The following SNX16 variants were observed in gnomAD, a reference collection of about 807,000 sequenced individuals.
The protein encoded by SNX16 is sorting nexin-16.
SNX16 carries 35 observed loss-of-function variants against 36.7 expected under a neutral mutation model. That is an observed-to-expected ratio of 0.95 (90% confidence interval 0.73 to 1.27). SNX16 has a LOEUF of 1.27. Ranked by LOEUF, SNX16 falls within the 50% of genes most tolerant of loss-of-function variation. The pLI is 0.00. For synonymous variants in SNX16, 134 were observed against 132.0 expected, an observed-to-expected ratio of 1.02 and a Z score of -0.10; for missense variants, 367 against 393.6, an observed-to-expected ratio of 0.93 and a Z score of 0.57.
At chr8:81,803,436 C>T (rs1809797075) in intron 5 of SNX16, among the ~76,000 whole-genome samples, 1 of 151,960 alleles carries the variant, frequency 6.6e-6, no homozygotes, top group Non-Finnish European at 1.5e-5. Context: ...ACCAGGGGGA[C>T]ATAACTACAA....
At chr8:81,830,106 T>C (rs920262110) in intron 2 of SNX16, among the ~76,000 whole-genome samples, 1 of 152,082 alleles carries the variant, frequency 6.6e-6, no homozygotes. Flanking sequence ...GGATATAAAA[T>C]CAATGTTTAA....
intron 4 of SNX16, among the ~76,000 whole-genome samples, chr8:81,819,825 T>C (rs1810653882): frequency 6.6e-6 from 1 of 152,096 alleles, no homozygotes. Context: ...TTCAAATCAA[T>C]AGTCCTTAAC....
At chr8:81,827,713 C>T (rs1179381830) in intron 3 of SNX16, among the ~76,000 whole-genome samples, 1 of 152,062 alleles carries the variant, frequency 6.6e-6, no homozygotes, top group African/African-American at 2.4e-5. Context: ...AAAAATTTGG[C>T]AGCTAAATAA....
At chr8:81,834,573 C>T (rs1425998723) in intron 2 of SNX16, among the ~76,000 whole-genome samples, 4 of 152,204 alleles carry the variant, frequency 2.6e-5, no homozygotes, top group Non-Finnish European at 4.4e-5. Context: ...AATGAGGGTA[C>T]AGGCATTGGG....
rs775501735 is a variant in SNX16, at chr8:81,839,742, G to T, written c.245C>A (p.Ser82Tyr). Residue 82 changes from serine (S) to tyrosine (Y), a missense_variant, in exon 2 of 8, where the codon TCT becomes TAT. Coordinates refer to ENST00000345957, the MANE Select transcript of SNX16 (RefSeq NM_152836.3). The part of the protein sequence containing the change: ...LIRTKFTGTA[S>Y]SIEYSTRPRD... ...TGGTCTAGTAGAATACTCAATGGAA[G>T]AAGCTGTACCTGTAAATTTAGTCCT... 27 of 1,613,982 alleles carry T rather than the reference G, an allele frequency of 1.7e-5. No individual in the cohort carries two copies. The highest frequency in any genetic ancestry group is 2.0e-5 in the Non-Finnish European group (24 of 1,179,914).
At chr8:81,831,213 T>G (rs553621851) in intron 2 of SNX16, among the ~76,000 whole-genome samples, 18 of 152,302 alleles carry the variant, frequency 1.2e-4, no homozygotes, top group African/African-American at 4.3e-4. Flanking sequence ...TGGGAAAGAA[T>G]TTATGACTAA....
intron 1 of SNX16, chr8:81,841,883 A>C (rs4431552): frequency 0.24 from 37,111 of 151,862 alleles, 5,093 homozygotes; most frequent in East Asian, 0.37. Context: ...GCAGGCGGCG[A>C]GACCCGCAGC....
chr8:81,827,620 T>C (rs1811075099), intron 3 of SNX16, among the ~76,000 whole-genome samples: 1 of 152,210 alleles, frequency 6.6e-6, no homozygotes, highest in Admixed American at 6.5e-5. Flanking sequence ...AGAAAGCATC[T>C]TAACCAAATC....
intron 5 of SNX16, among the ~76,000 whole-genome samples, chr8:81,813,351 C>G (rs1810346474): frequency 6.6e-6 from 1 of 151,256 alleles, no homozygotes; most frequent in Admixed American, 6.6e-5. Context: ...ACAGAAGTGT[C>G]AACATAATTA....
intron 4 of SNX16, among the ~76,000 whole-genome samples, chr8:81,819,093 A>G (rs1226648793): frequency 3.9e-5 from 6 of 152,142 alleles, no homozygotes; most frequent in Non-Finnish European, 8.8e-5. Context: ...AGAATTAAAA[A>G]TACTGAATTT....
intron 3 of SNX16, among the ~76,000 whole-genome samples, chr8:81,828,809 G>A (rs1004577616): frequency 6.6e-6 from 1 of 152,094 alleles, no homozygotes; most frequent in African/African-American, 2.4e-5. Context: ...GAAGATGGAG[G>A]GGCTATGTAC....
chr8:81,824,919 CACTT>C (rs766977757), intron 3 of SNX16, among the ~76,000 whole-genome samples: 1 of 152,168 alleles, frequency 6.6e-6, no homozygotes, highest in Non-Finnish European at 1.5e-5. Flanking sequence ...GAAGTTCACT[CACTT>C]ACATCTATAG....
chr8:81,808,053 T>C, intron 5 of SNX16: 1 of 976,004 alleles, frequency 1.0e-6, no homozygotes, highest in Non-Finnish European at 1.6e-6. Flanking sequence ...CAAGGGAAGA[T>C]TCTCAAAGAC....
chr8:81,834,641 A>T (rs186425995), intron 2 of SNX16, among the ~76,000 whole-genome samples: 22 of 152,356 alleles, frequency 1.4e-4, no homozygotes, highest in Admixed American at 1.4e-3. Context: ...TACAGGCCCA[A>T]TGCAAGTCTG....
At chr8:81,841,563 T>G (rs1811776476) in intron 1 of SNX16, 1 of 149,702 alleles carries the variant, frequency 6.7e-6, no homozygotes, top group Middle Eastern at 3.2e-3. Context: ...TGGGGGGAGG[T>G]CGCATATCAA....
chr8:81,812,006 T>C (rs1002863323), intron 5 of SNX16, among the ~76,000 whole-genome samples: 4 of 152,138 alleles, frequency 2.6e-5, no homozygotes, highest in African/African-American at 9.6e-5. Context: ...ATTGAGAATT[T>C]TGGAGTTGAA....
rs200142460 is a variant in SNX16 at position 81,803,194 on chromosome 8, C to A, written c.716G>T (p.Arg239Leu). 1.2e-6 allele frequency: 2 copies of A among 1,610,330 alleles called. No individual in the cohort carries two copies. Among genetic ancestry groups the A allele is most frequent in the Non-Finnish European group, 8.5e-7 (1 of 1,178,390 alleles). Residue 239 changes from arginine (R) to leucine (L), a missense_variant, in exon 6 of 8, where the codon CGC becomes CTC. Coordinates refer to ENST00000345957, the MANE Select transcript of SNX16 (RefSeq NM_152836.3). ...FCETLEETNY[R>L]LQKELLEKQK... ...TTTTTCAAGTAGTTCTTTCTGTAAGCGGTAGTTTGTCTCTTCTAAAGTTTC... is the reference window on the plus strand; with the variant it reads ...TTTTTCAAGTAGTTCTTTCTGTAAGAGGTAGTTTGTCTCTTCTAAAGTTTC...
At chr8:81,807,113 G>C (rs1225479419) in intron 5 of SNX16, among the ~76,000 whole-genome samples, 1 of 152,110 alleles carries the variant, frequency 6.6e-6, no homozygotes, top group Admixed American at 6.5e-5. Flanking sequence ...ATATGGAAAA[G>C]TGAATAGCCA....
intron 2 of SNX16, among the ~76,000 whole-genome samples, chr8:81,831,210 G>T (rs748267610): frequency 2.6e-5 from 4 of 152,130 alleles, no homozygotes; most frequent in Admixed American, 6.5e-5. Context: ...CCTTGGGAAA[G>T]AATTTATGAC....
Sources: gnomAD v4.1 joint callset for allele counts (sites outside exome capture counted in the v4.1 genomes callset) on GRCh38, gnomAD v4.1.1 for gene constraint, MANE v1.5 for transcripts, NCBI Gene and HGNC (gene_info 2026-07-23, HGNC 2026-07-21) for gene names.